PSD3: variants seen among roughly 807,000 people sequenced by gnomAD.
PSD3 encodes the protein PH and SEC7 domain-containing protein 3.
In PSD3, 49 loss-of-function variants were observed where a neutral mutation model predicts 105.5. That is an observed-to-expected ratio of 0.46 (90% CI 0.37 to 0.59). PSD3 has a LOEUF of 0.59. Among genes scored for constraint, PSD3 ranks in the 20% least tolerant of loss-of-function variants. The pLI, the probability that PSD3 is intolerant of heterozygous loss-of-function variation, is 0.00. For synonymous variants in PSD3, 557 were observed against 457.8 expected (o/e 1.22, Z -2.77); for missense variants, 1,561 against 1,263.8 (o/e 1.24, Z -3.57).
chr8:18,872,842 A>C (rs1278975466), intron 2 of PSD3, 109 bp from the exon 3 acceptor site: 1 of 1,063,566 alleles, frequency 9.4e-7, no homozygotes, highest in Admixed American at 2.5e-5. Context: ...TATTAACTTG[A>C]TTATTGCATT....
At chr8:18,559,575 G>C (rs1404222724) in intron 14 of PSD3, among the ~76,000 whole-genome samples, 2 of 152,004 alleles carry the variant, frequency 1.3e-5, no homozygotes, top group African/African-American at 4.8e-5. Context: ...ATAGAATCCA[G>C]TTTATTTAAG....
intron 1 of PSD3, among the ~76,000 whole-genome samples, chr8:18,958,454 T>C (rs759209435): frequency 2.0e-5 from 3 of 152,258 alleles, no homozygotes; most frequent in Non-Finnish European, 4.4e-5. Context: ...TTATTTACTT[T>C]TGGGTTCCCA....
intron 2 of PSD3, among the ~76,000 whole-genome samples, chr8:18,889,930 T>G (rs1212263527): frequency 6.6e-6 from 1 of 152,180 alleles, no homozygotes; most frequent in Non-Finnish European, 1.5e-5. Context: ...AATGACAAAC[T>G]ATAGGTAATA....
chr8:18,780,853 C>T (rs575781613), intron 8 of PSD3, among the ~76,000 whole-genome samples: 1 of 152,224 alleles, frequency 6.6e-6, no homozygotes, highest in South Asian at 2.1e-4. Context: ...CGCGCCTGGC[C>T]CAGAGTTTTA....
chr8:18,857,024 AAATC>A (rs1397403776), intron 4 of PSD3, among the ~76,000 whole-genome samples: 6 of 152,248 alleles, frequency 3.9e-5, no homozygotes, highest in African/African-American at 1.4e-4. Flanking sequence ...CTAAGCAGGA[AAATC>A]AATCAATCCC....
chr8:19,021,285 C>G (rs2129475878), intron 1 of PSD3, among the ~76,000 whole-genome samples: 1 of 152,310 alleles, frequency 6.6e-6, no homozygotes, highest in Middle Eastern at 3.4e-3. Context: ...TGCTCTCTCC[C>G]TACCTCCTGC....
intron 1 of PSD3, among the ~76,000 whole-genome samples, chr8:19,078,189 C>G (rs1401158224): frequency 2.0e-5 from 3 of 151,930 alleles, no homozygotes; most frequent in African/African-American, 7.3e-5. Context: ...AGTCACCGAG[C>G]CAAGCCAGGA....
At chr8:18,747,308 T>A (rs1472741668) in intron 9 of PSD3, among the ~76,000 whole-genome samples, 1 of 152,176 alleles carries the variant, frequency 6.6e-6, no homozygotes, top group Non-Finnish European at 1.5e-5. Flanking sequence ...AAGGAAAATA[T>A]AGGAACATGA....
chr8:18,765,513 T>A lies in PSD3; in HGVS notation c.2108A>T (p.Gln703Leu). ...GHNIGKKMTCQEFIANLQGVN... is the reference protein window; with the variant it reads ...GHNIGKKMTCLEFIANLQGVN... Reference sequence around the variant, plus strand: ...CCCTTGCAGATTTGCAATGAACTCCTGACAGGTCATCTTCTTTCCAATATT... The same window carrying A: ...CCCTTGCAGATTTGCAATGAACTCCAGACAGGTCATCTTCTTTCCAATATT... Residue 703 changes from glutamine (Q) to leucine (L), a missense_variant, in exon 9 of 16, where the codon CAG becomes CTG. Coordinates refer to ENST00000327040, the MANE Select transcript of PSD3 (RefSeq NM_015310.4). 6.2e-7 allele frequency: 1 copy of A among 1,611,630 alleles called. No homozygotes were observed. Among genetic ancestry groups the A allele is most frequent in the Non-Finnish European group, 8.5e-7 (1 of 1,177,722 alleles).
At chr8:19,074,611 A>ATATATATATATATATATT (rs1324257417) in intron 1 of PSD3, among the ~76,000 whole-genome samples, 19 of 24,192 alleles carry the variant, frequency 7.9e-4, no homozygotes, top group African/African-American at 2.7e-3. Context: ...ATATATATAT[A>ATATATATATATATATATT]TTTTTTTTTT....
chr8:18,961,018 G>A (rs1823877512), intron 1 of PSD3, among the ~76,000 whole-genome samples: 1 of 152,088 alleles, frequency 6.6e-6, no homozygotes. Flanking sequence ...ACCCAGGGAG[G>A]TCGATGCTGC....
At position 18,867,388 on chromosome 8, in the gene PSD3, A is replaced by C. The variant is rs371190991; in HGVS notation, c.1634+286T>G. ...AGCACCACGTCTCTGCCATCATCGG[A>C]GCTGATAACCTCACTCATCATCCCC... On this transcript the variant is annotated intron_variant, in intron 4 of 15. Transcript: ENST00000327040. Among the ~76,000 whole-genome samples the C allele has an allele frequency of 2.9e-4, 44 of 152,238 alleles. No homozygotes were observed. The East Asian group carries it at 4.6e-3, about 16-fold the overall frequency.
At chr8:18,730,412 T>G (rs1223793298) in intron 9 of PSD3, 3 of 152,232 alleles carry the variant, frequency 2.0e-5, no homozygotes, top group Non-Finnish European at 2.9e-5. Flanking sequence ...AGCTTTGACT[T>G]GTCATTGTGG....
intron 8 of PSD3, among the ~76,000 whole-genome samples, chr8:18,795,859 A>G (rs79681521): frequency 6.6e-6 from 1 of 152,148 alleles, no homozygotes; most frequent in African/African-American, 2.4e-5. Context: ...AAGACTTTCA[A>G]CTCTTACCTT....
intron 2 of PSD3, among the ~76,000 whole-genome samples, chr8:18,917,147 T>A (rs1820675334): frequency 6.6e-6 from 1 of 152,136 alleles, no homozygotes; most frequent in African/African-American, 2.4e-5. Flanking sequence ...CCGTATCATA[T>A]CAGTAACCAA....
At chr8:18,623,873 GT>G (rs1415539694) in intron 11 of PSD3, among the ~76,000 whole-genome samples, 2 of 151,960 alleles carry the variant, frequency 1.3e-5, no homozygotes, top group African/African-American at 4.8e-5. Flanking sequence ...AAATAGTATT[GT>G]TTTGCATGCT....
At chr8:19,030,082 TC>T (rs1192707794) in intron 1 of PSD3, among the ~76,000 whole-genome samples, 1 of 152,182 alleles carries the variant, frequency 6.6e-6, no homozygotes, top group Non-Finnish European at 1.5e-5. Context: ...ATTTAGTCTT[TC>T]CCTATTAAGG....
intron 9 of PSD3, among the ~76,000 whole-genome samples, chr8:18,721,799 A>G (rs1022033029): frequency 6.6e-6 from 1 of 152,190 alleles, no homozygotes; most frequent in Non-Finnish European, 1.5e-5. Context: ...TCCAGCCAGT[A>G]AAGAATCATA....
At chr8:19,040,316 C>G (rs111760208) in intron 1 of PSD3, among the ~76,000 whole-genome samples, 4,862 of 152,212 alleles carry the variant, frequency 0.032, 257 homozygotes, top group African/African-American at 0.11. Context: ...GATCTCCCAC[C>G]TCAGCCTTCC....
Sources: allele counts gnomAD v4.1 joint callset (sites outside exome capture counted in the v4.1 genomes callset), GRCh38; gene constraint gnomAD v4.1.1; transcripts MANE v1.5; gene names NCBI Gene and HGNC (gene_info 2026-07-23, HGNC 2026-07-21).